DPP10: variants seen among roughly 807,000 people sequenced by gnomAD.
The protein encoded by DPP10 is dipeptidyl peptidase like 10, also known as inactive dipeptidyl peptidase 10.
In DPP10, 33 loss-of-function variants were observed where a neutral mutation model predicts 120.9. The ratio of observed to expected loss-of-function variants is 0.27; its 90% CI spans 0.21 to 0.37. The LOEUF (loss-of-function observed/expected upper bound fraction) is 0.37, where lower values mean the gene tolerates loss of function less well. DPP10 is among the 10% of genes least tolerant of loss of function. The probability of loss-of-function intolerance (pLI) is 1.00; values close to 1 mark genes in which losing one functional copy is unlikely to be tolerated. For missense variants in DPP10, 816 were observed against 942.8 expected (o/e 0.87, Z 1.76); for synonymous variants, 337 against 326.1 (o/e 1.03, Z -0.36).
intron 1 of DPP10, among the ~76,000 whole-genome samples, chr2:115,167,060 G>A (rs971209142): frequency 5.3e-5 from 8 of 152,088 alleles, no homozygotes; most frequent in South Asian, 2.1e-4. Flanking sequence ...TCCCAGGTCC[G>A]CCAAAGACCA....
chr2:115,762,802 T>C (rs573615189), intron 12 of DPP10, among the ~76,000 whole-genome samples, 192 bp downstream of exon 12: 1 of 152,132 alleles, frequency 6.6e-6, no homozygotes, highest in South Asian at 2.1e-4. Context: ...GTTACTTCCA[T>C]TTTTTTAGGA....
intron 1 of DPP10, among the ~76,000 whole-genome samples, chr2:115,267,300 G>A (rs892079092): frequency 6.6e-5 from 10 of 152,070 alleles, no homozygotes; most frequent in African/African-American, 2.2e-4. Flanking sequence ...TACTAATTTC[G>A]AACATATATG....
intron 1 of DPP10, among the ~76,000 whole-genome samples, chr2:115,176,188 T>C (rs1276526284): frequency 1.3e-5 from 2 of 151,424 alleles, no homozygotes; most frequent in Non-Finnish European, 2.9e-5. Flanking sequence ...GTGACAAAAT[T>C]ATTAGTATTT....
chr2:114,444,706 T>C (rs1291354886), intron 1 of DPP10, among the ~76,000 whole-genome samples: 2 of 152,184 alleles, frequency 1.3e-5, no homozygotes, highest in Non-Finnish European at 2.9e-5. Flanking sequence ...AACCCACCAC[T>C]TAACAATGTA....
chr2:115,234,185 A>G (rs2057882185), intron 1 of DPP10, among the ~76,000 whole-genome samples: 1 of 152,114 alleles, frequency 6.6e-6, no homozygotes, highest in Non-Finnish European at 1.5e-5. Flanking sequence ...ATTACAATCA[A>G]GTTGGCTCTC....
At chr2:115,603,156 G>A (rs1575307648) in intron 5 of DPP10, among the ~76,000 whole-genome samples, 3 of 151,286 alleles carry the variant, frequency 2.0e-5, no homozygotes, top group African/African-American at 4.9e-5. Flanking sequence ...GTGTGTGTGT[G>A]TGTGTGTGTG....
At chr2:115,752,749 T>C (rs1327187511) in intron 10 of DPP10, among the ~76,000 whole-genome samples, 4 of 152,170 alleles carry the variant, frequency 2.6e-5, no homozygotes. Context: ...TGATGATTCA[T>C]TGATTGTGAT....
chr2:114,770,574 A>G (rs1681160573), intron 1 of DPP10, among the ~76,000 whole-genome samples: 1 of 152,184 alleles, frequency 6.6e-6, no homozygotes, highest in African/African-American at 2.4e-5. Context: ...TAGTAATCTC[A>G]GTTATAGGAG....
intron 1 of DPP10, among the ~76,000 whole-genome samples, chr2:115,256,548 C>T (rs1327689772): frequency 6.6e-6 from 1 of 152,208 alleles, no homozygotes; most frequent in Non-Finnish European, 1.5e-5. Context: ...GGCTCTGATA[C>T]TCTGGGCCTG....
In DPP10 at chr2:115,269,591, G is replaced by A. The variant is rs149620942; in HGVS notation, c.61-39648G>A. ...TGTGGGCCAGAGCTCTCTTTCAGTT[G>A]CTTGCTATGCAGGTGGCCTCATGGG... is the stretch of plus-strand genomic sequence containing the variant. On this transcript the variant is annotated intron_variant, in intron 1 of 25. Transcript: ENST00000410059. 1.4e-4 allele frequency among the ~76,000 whole-genome samples: 22 copies of A among 152,258 alleles called. No individual in the cohort carries two copies. In the East Asian group the frequency reaches 4.3e-3, roughly 30 times the overall value.
At chr2:115,159,584 G>C (rs150260528) in intron 1 of DPP10, among the ~76,000 whole-genome samples, 1 of 151,948 alleles carries the variant, frequency 6.6e-6, no homozygotes, top group Admixed American at 6.6e-5. Context: ...GGGAAAATCC[G>C]TTTACATGTG....
intron 5 of DPP10, among the ~76,000 whole-genome samples, chr2:115,554,473 G>C (rs1230636545): frequency 6.6e-6 from 1 of 151,784 alleles, no homozygotes; most frequent in African/African-American, 2.4e-5. Context: ...TACTGATTTG[G>C]GGTAGATGCA....
At chr2:114,728,462 G>A (rs1279695545) in intron 1 of DPP10, among the ~76,000 whole-genome samples, 1 of 152,062 alleles carries the variant, frequency 6.6e-6, no homozygotes, top group African/African-American at 2.4e-5. Context: ...CCCACCCTCT[G>A]GTTAAAAACC....
intron 5 of DPP10, among the ~76,000 whole-genome samples, chr2:115,668,527 A>G (rs1476102717): frequency 6.6e-6 from 1 of 152,132 alleles, no homozygotes; most frequent in Non-Finnish European, 1.5e-5. Flanking sequence ...TAAGTTATCC[A>G]GGCTGTGGTA....
At chr2:114,927,417 C>T (rs1695716165) in intron 1 of DPP10, among the ~76,000 whole-genome samples, 1 of 151,818 alleles carries the variant, frequency 6.6e-6, no homozygotes, top group Non-Finnish European at 1.5e-5. Flanking sequence ...CATGAGACAT[C>T]AATCAATATA....
chr2:115,747,594 CT>C (rs3980905), intron 10 of DPP10, among the ~76,000 whole-genome samples: 51 of 141,204 alleles, frequency 3.6e-4, no homozygotes, highest in East Asian at 8.5e-4. Flanking sequence ...ATCCCCTTGT[CT>C]TTTTTTTTTT....
intron 3 of DPP10, among the ~76,000 whole-genome samples, chr2:115,446,774 A>G (rs913889894): frequency 2.6e-5 from 4 of 152,070 alleles, no homozygotes; most frequent in Non-Finnish European, 4.4e-5. Flanking sequence ...ACTGGGGCCC[A>G]TTGTATTAGT....
intron 1 of DPP10, among the ~76,000 whole-genome samples, chr2:114,609,233 C>T (rs1418616219): frequency 6.6e-6 from 1 of 152,096 alleles, no homozygotes; most frequent in Non-Finnish European, 1.5e-5. Flanking sequence ...ATTGCTTGAT[C>T]AATGGAAGCA....
chr2:115,495,333 T>C (rs956787864), intron 3 of DPP10, among the ~76,000 whole-genome samples: 1 of 130,640 alleles, frequency 7.7e-6, no homozygotes, highest in Admixed American at 9.4e-5. Flanking sequence ...AGGAGTTTAA[T>C]GTTTCTAGAA....
Sources: allele counts gnomAD v4.1 joint callset (sites outside exome capture counted in the v4.1 genomes callset), GRCh38; gene constraint gnomAD v4.1.1; transcripts MANE v1.5; gene names NCBI Gene and HGNC (gene_info 2026-07-23, HGNC 2026-07-21).